Variants in PIK3CA observed in about 807,000 individuals in gnomAD.
PIK3CA encodes phosphatidylinositol 4,5-bisphosphate 3-kinase catalytic subunit alpha isoform.
In PIK3CA, 27 loss-of-function variants were observed where a neutral mutation model predicts 138.2. The observed-to-expected ratio is 0.20, with a 90% CI of 0.14 to 0.27. The LOEUF is 0.27. Ranked by LOEUF, PIK3CA falls within the 10% of genes least tolerant of loss-of-function variation. The pLI is 1.00. For missense variants in PIK3CA, 544 were observed against 1,277.4 expected, an observed-to-expected ratio of 0.43 and a Z score of 8.75; for synonymous variants, 358 against 413.2, an observed-to-expected ratio of 0.87 and a Z score of 1.62.
At chr3:179,203,281 G>T (rs980561807) in intron 4 of PIK3CA, among the ~76,000 whole-genome samples, 4 of 152,044 alleles carry the variant, frequency 2.6e-5, no homozygotes, top group African/African-American at 4.8e-5. Context: ...TCCAGTTAAG[G>T]GTAGAACTAC....
chr3:179,187,534 CCT>C (rs1724018228), intron 1 of PIK3CA, among the ~76,000 whole-genome samples: 3 of 99,782 alleles, frequency 3.0e-5, no homozygotes, highest in Admixed American at 9.5e-5. Context: ...CAAGACTCCG[CCT>C]CAAAAAAAAA....
In PIK3CA at chr3:179,236,662, C is replaced by T. The variant is rs1725338769; in HGVS notation, c.*2298C>T. 2 of 226,972 alleles carry T rather than the reference C, an allele frequency of 8.8e-6. No individual in the cohort carries two copies. Among genetic ancestry groups the T allele is most frequent in the South Asian group, 1.8e-4 (1 of 5,562 alleles). 14.1% of individuals were successfully genotyped at this position (226,972 alleles called of 1,614,324 possible). A position where few individuals can be genotyped will look rare whatever the true frequency, so the allele number is the denominator to read the frequency against. ...CTCCCCTCCTTCTCCCAGGACCTCT[C>T]CACCATTAAAATGCACAAACCACAT... On this transcript the variant is annotated 3_prime_UTR_variant, in exon 21 of 21. Coordinates refer to ENST00000263967, the MANE Select transcript of PIK3CA (RefSeq NM_006218.4).
intron 17 of PIK3CA, among the ~76,000 whole-genome samples, chr3:179,229,062 G>A (rs958561177): frequency 2.6e-5 from 4 of 152,004 alleles, no homozygotes; most frequent in African/African-American, 9.7e-5. Context: ...TTTCTCAGTT[G>A]AAGGTTATAA....
intron 1 of PIK3CA, among the ~76,000 whole-genome samples, chr3:179,157,406 TTTAAAATATTA>T (rs1233655992): frequency 6.6e-6 from 1 of 152,140 alleles, no homozygotes; most frequent in East Asian, 1.9e-4. Flanking sequence ...CTCAGAACAG[TTTAAAATATTA>T]GTAATTTTAC....
At chr3:179,162,974 T>C (rs1044729433) in intron 1 of PIK3CA, among the ~76,000 whole-genome samples, 1 of 152,176 alleles carries the variant, frequency 6.6e-6, no homozygotes, top group African/African-American at 2.4e-5. Flanking sequence ...GCGCTAACCC[T>C]GTAGCTTATT....
chr3:179,202,787 C>T (rs1486513739), intron 4 of PIK3CA, among the ~76,000 whole-genome samples: 1 of 152,074 alleles, frequency 6.6e-6, no homozygotes, highest in Non-Finnish European at 1.5e-5. Flanking sequence ...TAATGTTTCT[C>T]AGGAAATGTT....
At chr3:179,161,759 G>T (rs535843607) in intron 1 of PIK3CA, among the ~76,000 whole-genome samples, 1 of 152,288 alleles carries the variant, frequency 6.6e-6, no homozygotes, top group East Asian at 1.9e-4. Context: ...GATGTTTTGA[G>T]ATGCTTGTAA....
chr3:179,223,059 G>A (rs1312262409), intron 14 of PIK3CA, among the ~76,000 whole-genome samples: 1 of 152,164 alleles, frequency 6.6e-6, no homozygotes, highest in Non-Finnish European at 1.5e-5. Flanking sequence ...AGAAACAAGA[G>A]CAGTTACTTT....
chr3:179,207,108 CAA>C lies in PIK3CA; in HGVS notation c.1146-2483_1146-2482del, dbSNP rs566076127. Among the ~76,000 whole-genome samples, 16 of 151,988 alleles carry C rather than the reference CAA, an allele frequency of 1.1e-4. No individual in the cohort carries two copies. The South Asian group carries it at 3.3e-3, about 32-fold the overall frequency. On this transcript the variant is annotated intron_variant, in intron 6 of 20. Transcript: ENST00000263967. ...TTAAACTTTTCTGTGCTTACAAAAA[CAA>C]AAATCAGATAAATGAATATGAAGTT...
At chr3:179,203,841 C>CT in intron 5 of PIK3CA, 52 bp downstream of exon 5, 1 of 1,364,944 alleles carries the variant, frequency 7.3e-7, no homozygotes, top group Non-Finnish European at 1.0e-6. Context: ...TTTAGATAAC[C>CT]TTTTTCTTGC....
chr3:179,177,158 G>C lies in PIK3CA; in HGVS notation c.-76-21592G>C, dbSNP rs573687088. Among the ~76,000 whole-genome samples, 101 of 152,052 alleles carry C rather than the reference G, an allele frequency of 6.6e-4. 1 individual carries two copies. Among genetic ancestry groups the C allele is most frequent in the African/African-American group, 2.4e-3 (98 of 41,468 alleles). On this transcript the variant is annotated intron_variant, in intron 1 of 20. Transcript: ENST00000263967. ...AAATTACAGAAATTAGCCCTTTGTCGTATGTGTTGCAGGTGCTTTTCCAGT... is the reference window on the plus strand; with the variant it reads ...AAATTACAGAAATTAGCCCTTTGTCCTATGTGTTGCAGGTGCTTTTCCAGT...
At chr3:179,180,294 C>G (rs1286859790) in intron 1 of PIK3CA, among the ~76,000 whole-genome samples, 1 of 152,134 alleles carries the variant, frequency 6.6e-6, no homozygotes, top group African/African-American at 2.4e-5. Context: ...TGTCAGAAAT[C>G]AGGCCCACTT....
Position 179,217,928 on chromosome 3 carries a change from T to A in PIK3CA, c.1540-282T>A, listed in dbSNP as rs563601821. Among the ~76,000 whole-genome samples, 31 of 152,154 alleles carry A rather than the reference T, an allele frequency of 2.0e-4. No individual in the cohort carries two copies. In the South Asian group the frequency reaches 6.4e-3, roughly 32 times the overall value. ...TCACTACCATCCTCTAGTATCCTAATCTGGTCTTGTTGTTGGCTAACTTCA... is the reference window on the plus strand; with the variant it reads ...TCACTACCATCCTCTAGTATCCTAAACTGGTCTTGTTGTTGGCTAACTTCA... On this transcript the variant is annotated intron_variant, in intron 9 of 20. Coordinates refer to ENST00000263967, the MANE Select transcript of PIK3CA (RefSeq NM_006218.4).
intron 1 of PIK3CA, among the ~76,000 whole-genome samples, chr3:179,186,582 C>T (rs1723987527): frequency 6.6e-6 from 1 of 152,144 alleles, no homozygotes; most frequent in African/African-American, 2.4e-5. Context: ...AGTTCCAAGT[C>T]ACAAAGGGAT....
At chr3:179,203,479 C>T (rs2108392301) in intron 4 of PIK3CA, 65 bp from the exon 5 acceptor site, 1 of 1,483,368 alleles carries the variant, frequency 6.7e-7, no homozygotes, top group Non-Finnish European at 9.1e-7. Context: ...TCATAATACT[C>T]TGACATGTTA....
At chr3:179,221,295 GC>G in intron 14 of PIK3CA, 138 bp downstream of exon 14, 1 of 623,248 alleles carries the variant, frequency 1.6e-6, no homozygotes. Context: ...CTGCCTCTCA[GC>G]TGTGTAGTGT....
intron 1 of PIK3CA, among the ~76,000 whole-genome samples, chr3:179,159,994 T>C (rs1269269400): frequency 3.3e-5 from 5 of 152,192 alleles, no homozygotes; most frequent in Non-Finnish European, 7.3e-5. Flanking sequence ...AGCCTTACCG[T>C]AAGTGAAGCT....
At chr3:179,163,535 C>A (rs1050487401) in intron 1 of PIK3CA, among the ~76,000 whole-genome samples, 5 of 152,080 alleles carry the variant, frequency 3.3e-5, no homozygotes, top group Non-Finnish European at 7.4e-5. Flanking sequence ...TCCTCTCCCC[C>A]CAACCCCCAT....
intron 1 of PIK3CA, among the ~76,000 whole-genome samples, chr3:179,162,129 A>G (rs1412192312): frequency 2.0e-5 from 3 of 152,184 alleles, no homozygotes; most frequent in Non-Finnish European, 1.5e-5. Flanking sequence ...TATAAAACAT[A>G]CAGAAATCTG....
Sources: allele counts gnomAD v4.1 joint callset (sites outside exome capture counted in the v4.1 genomes callset), GRCh38; gene constraint gnomAD v4.1.1; transcripts MANE v1.5; gene names NCBI Gene and HGNC (gene_info 2026-07-23, HGNC 2026-07-21).